KLHL1: variants seen among roughly 807,000 people sequenced by gnomAD.
The protein encoded by KLHL1 is kelch like family member 1, also known as kelch-like protein 1.
A neutral mutation model predicts 77.7 loss-of-function variants in KLHL1; 47 were observed. That is an observed-to-expected ratio of 0.60 (90% CI 0.48 to 0.77). The LOEUF is 0.77. Ranked by LOEUF, KLHL1 falls within the 30% of genes least tolerant of loss-of-function variation. The pLI, the probability that KLHL1 is intolerant of heterozygous loss-of-function variation, is 0.00. For synonymous variants in KLHL1, 360 were observed against 325.2 expected, an observed-to-expected ratio of 1.11 and a Z score of -1.15; for missense variants, 925 against 910.8, an observed-to-expected ratio of 1.02 and a Z score of -0.20.
chr13:70,020,864 A>G (rs1046100348), intron 1 of KLHL1, among the ~76,000 whole-genome samples: 1 of 151,970 alleles, frequency 6.6e-6, no homozygotes, highest in African/African-American at 2.4e-5. Context: ...TTTACTTTAT[A>G]TATACATACT....
chr13:70,016,909 C>A lies in KLHL1; in HGVS notation c.498-41107G>T, dbSNP rs141267479. ...TTCCTCCTTTCTGAGCCCATAAAAA[C>A]CCCAGACTCAGCTGGACTCACACAG... On this transcript the variant is annotated intron_variant, in intron 1 of 10. Transcript: ENST00000377844. Among the ~76,000 whole-genome samples, 510 of 152,222 alleles carry A rather than the reference C, an allele frequency of 3.4e-3. 3 individuals carry two copies. The highest frequency in any genetic ancestry group is 0.012 in the African/African-American group (484 of 41,548).
At chr13:69,779,049 C>T (rs1472889725) in intron 7 of KLHL1, among the ~76,000 whole-genome samples, 1 of 152,090 alleles carries the variant, frequency 6.6e-6, no homozygotes, top group African/African-American at 2.4e-5. Context: ...CAGCCCACCT[C>T]AGCCTCCCAA....
chr13:69,720,392 A>C (rs185479621), intron 8 of KLHL1, among the ~76,000 whole-genome samples: 61 of 152,214 alleles, frequency 4.0e-4, no homozygotes, highest in African/African-American at 1.4e-3. Context: ...TGCTCACTAC[A>C]TATTTTTGAA....
At chr13:70,057,469 C>CAAAAA (rs56235725) in intron 1 of KLHL1, among the ~76,000 whole-genome samples, 43 of 87,082 alleles carry the variant, frequency 4.9e-4, no homozygotes, top group African/African-American at 1.1e-3. Flanking sequence ...AAAGACACAT[C>CAAAAA]AAAAAAAAAA....
chr13:70,096,572 G>T (rs1593740729), intron 1 of KLHL1, among the ~76,000 whole-genome samples: 1 of 150,702 alleles, frequency 6.6e-6, no homozygotes, highest in African/African-American at 2.4e-5. Flanking sequence ...GGCAGCAGAA[G>T]TTTGTTTTAC....
At chr13:69,788,915 A>G (rs1490427669) in intron 7 of KLHL1, among the ~76,000 whole-genome samples, 5 of 152,136 alleles carry the variant, frequency 3.3e-5, no homozygotes, top group Non-Finnish European at 5.9e-5. Flanking sequence ...TGATATTACA[A>G]TGGCTATTAC....
intron 9 of KLHL1, among the ~76,000 whole-genome samples, chr13:69,713,852 G>GT (rs1875990584): frequency 6.6e-6 from 1 of 152,002 alleles, no homozygotes; most frequent in Non-Finnish European, 1.5e-5. Flanking sequence ...GGGTCATAGA[G>GT]TAAACCTCAA....
At chr13:69,738,131 C>T (rs774730503) in intron 8 of KLHL1, among the ~76,000 whole-genome samples, 1 of 151,958 alleles carries the variant, frequency 6.6e-6, no homozygotes. Context: ...GGACTCCCAC[C>T]AAACTGCAGC....
intron 8 of KLHL1, among the ~76,000 whole-genome samples, chr13:69,728,237 A>G (rs2137909201): frequency 6.6e-6 from 1 of 152,232 alleles, no homozygotes; most frequent in East Asian, 1.9e-4. Context: ...TAAAAAATAG[A>G]AACAGAGTGT....
intron 1 of KLHL1, among the ~76,000 whole-genome samples, chr13:70,079,616 A>G (rs566563920): frequency 6.6e-6 from 1 of 152,280 alleles, no homozygotes; most frequent in South Asian, 2.1e-4. Context: ...AACATTTTCA[A>G]TGAAGGAATA....
intron 6 of KLHL1, among the ~76,000 whole-genome samples, chr13:69,806,268 T>C (rs1451294762): frequency 6.6e-6 from 1 of 152,192 alleles, no homozygotes; most frequent in Non-Finnish European, 1.5e-5. Flanking sequence ...ACTTGATAAA[T>C]GTTTGCTTCT....
At chr13:69,800,997 C>G (rs1056647869) in intron 6 of KLHL1, among the ~76,000 whole-genome samples, 1 of 152,168 alleles carries the variant, frequency 6.6e-6, no homozygotes, top group African/African-American at 2.4e-5. Context: ...ACTGGTATCT[C>G]AAATACCTAC....
chr13:69,928,180 C>A (rs1457480724), intron 4 of KLHL1, among the ~76,000 whole-genome samples: 2 of 152,196 alleles, frequency 1.3e-5, no homozygotes, highest in Non-Finnish European at 2.9e-5. Context: ...TCCAGTGGAA[C>A]AGCTGATGCC....
In KLHL1 at chr13:69,763,818, T is replaced by C. The variant is rs181857664; in HGVS notation, c.1640-23262A>G. Among the ~76,000 whole-genome samples, 3 of 152,318 alleles carry C rather than the reference T, an allele frequency of 2.0e-5. No individual in the cohort carries two copies. The East Asian group carries it at 5.8e-4, about 29-fold the overall frequency. ...AGTCAAACAGAAATGTTAAAGAAGA[T>C]AGATCCCAAAACAGAGCAGTGTTTT... On this transcript the variant is annotated intron_variant, in intron 7 of 10. Transcript: ENST00000377844.
chr13:69,804,491 G>A (rs1877530628), intron 6 of KLHL1, among the ~76,000 whole-genome samples: 1 of 152,108 alleles, frequency 6.6e-6, no homozygotes, highest in Non-Finnish European at 1.5e-5. Context: ...CTCCTAAAAA[G>A]AAAATAAAGC....
intron 8 of KLHL1, among the ~76,000 whole-genome samples, chr13:69,727,370 G>C (rs1472528565): frequency 6.6e-6 from 1 of 152,042 alleles, no homozygotes; most frequent in East Asian, 1.9e-4. Flanking sequence ...AGTGAATATT[G>C]AGCAGGAAAC....
chr13:69,965,444 C>T (rs1177476441), intron 2 of KLHL1, among the ~76,000 whole-genome samples: 2 of 152,148 alleles, frequency 1.3e-5, no homozygotes, highest in African/African-American at 4.8e-5. Flanking sequence ...ATAGTTCTGA[C>T]TGCTTCACTA....
chr13:69,872,688 C>T (rs945152487), intron 5 of KLHL1, among the ~76,000 whole-genome samples: 1 of 152,148 alleles, frequency 6.6e-6, no homozygotes, highest in South Asian at 2.1e-4. Flanking sequence ...GAATATATCT[C>T]CTATTGATCA....
At chr13:69,959,741 T>G (rs1884007439) in intron 3 of KLHL1, among the ~76,000 whole-genome samples, 1 of 151,878 alleles carries the variant, frequency 6.6e-6, no homozygotes, top group Admixed American at 6.6e-5. Flanking sequence ...TGCCCCAGTT[T>G]CTGGAGGAGA....
Sources: allele counts gnomAD v4.1 joint callset (sites outside exome capture counted in the v4.1 genomes callset), GRCh38; gene constraint gnomAD v4.1.1; transcripts MANE v1.5; gene names NCBI Gene and HGNC (gene_info 2026-07-23, HGNC 2026-07-21).